Variants in TRERF1 observed in about 807,000 individuals in gnomAD.
TRERF1 encodes the protein transcriptional regulating factor 1.
TRERF1 carries 27 observed loss-of-function variants against 122.9 expected under a neutral mutation model. The observed-to-expected ratio is 0.22, with a 90% CI of 0.16 to 0.30. The LOEUF (loss-of-function observed/expected upper bound fraction) is 0.30. TRERF1 is among the 10% of genes least tolerant of loss of function. The probability of loss-of-function intolerance (pLI) is 1.00; values close to 1 mark genes in which losing one functional copy is unlikely to be tolerated. For synonymous variants in TRERF1, 636 were observed against 641.7 expected, an observed-to-expected ratio of 0.99 and a Z score of 0.13; for missense variants, 1,248 against 1,560.3, an observed-to-expected ratio of 0.80 and a Z score of 3.37.
chr6:42,287,948 G>C (rs1375458180), intron 4 of TRERF1, among the ~76,000 whole-genome samples: 1 of 151,952 alleles, frequency 6.6e-6, no homozygotes, highest in Non-Finnish European at 1.5e-5. Context: ...CACCCACTCA[G>C]ATACACCCTG....
intron 3 of TRERF1, among the ~76,000 whole-genome samples, chr6:42,328,128 C>T (rs1764625923): frequency 6.6e-6 from 1 of 151,424 alleles, no homozygotes; most frequent in Non-Finnish European, 1.5e-5. Context: ...GTGCCTCAGC[C>T]TCCTGAGTAG....
intron 4 of TRERF1, among the ~76,000 whole-genome samples, chr6:42,296,064 G>C (rs950674928): frequency 6.6e-6 from 1 of 152,082 alleles, no homozygotes; most frequent in African/African-American, 2.4e-5. Flanking sequence ...TTGATCTGGG[G>C]GCCCTGCAAG....
chr6:42,376,604 G>A (rs1481122624), intron 2 of TRERF1, among the ~76,000 whole-genome samples: 2 of 145,174 alleles, frequency 1.4e-5, no homozygotes, highest in South Asian at 4.3e-4. Flanking sequence ...GTACAGTGGC[G>A]TGATCTCAGC....
At chr6:42,309,438 CTA>C (rs1220003382) in intron 3 of TRERF1, among the ~76,000 whole-genome samples, 1 of 152,224 alleles carries the variant, frequency 6.6e-6, no homozygotes, top group Non-Finnish European at 1.5e-5. Flanking sequence ...TCTCCCTACT[CTA>C]TGCCACTGGT....
intron 2 of TRERF1, among the ~76,000 whole-genome samples, chr6:42,413,462 ACT>A (rs1781405494): frequency 7.9e-6 from 1 of 125,854 alleles, no homozygotes; most frequent in Non-Finnish European, 1.6e-5. Flanking sequence ...ACAGAGTCTT[ACT>A]CTGTCACCAG....
intron 2 of TRERF1, among the ~76,000 whole-genome samples, chr6:42,422,350 T>C (rs111406239): frequency 0.024 from 3,655 of 151,852 alleles, 151 homozygotes; most frequent in African/African-American, 0.084. Context: ...CAAAACCCTG[T>C]CTCTACAAAA....
At chr6:42,448,265 G>C (rs1276537565) in intron 2 of TRERF1, among the ~76,000 whole-genome samples, 1 of 152,136 alleles carries the variant, frequency 6.6e-6, no homozygotes, top group African/African-American at 2.4e-5. Context: ...GTTAACCTTA[G>C]ACTTGACCAA....
intron 3 of TRERF1, among the ~76,000 whole-genome samples, chr6:42,349,612 A>G (rs1484779530): frequency 6.6e-6 from 1 of 152,196 alleles, no homozygotes; most frequent in Non-Finnish European, 1.5e-5. Flanking sequence ...AAGAAAGACA[A>G]TCATAAGCAA....
At chr6:42,404,949 T>C (rs1779955266) in intron 2 of TRERF1, among the ~76,000 whole-genome samples, 1 of 152,144 alleles carries the variant, frequency 6.6e-6, no homozygotes. Flanking sequence ...TCAAAGCTAA[T>C]ATACCCACCC....
At chr6:42,384,626 A>G (rs1323407217) in intron 2 of TRERF1, among the ~76,000 whole-genome samples, 1 of 152,192 alleles carries the variant, frequency 6.6e-6, no homozygotes, top group Admixed American at 6.5e-5. Flanking sequence ...ATCAATCAAT[A>G]GGAAGCAAGC....
At chr6:42,326,279 G>A (rs1381778868) in intron 3 of TRERF1, among the ~76,000 whole-genome samples, 1 of 152,172 alleles carries the variant, frequency 6.6e-6, no homozygotes, top group Non-Finnish European at 1.5e-5. Flanking sequence ...TGGTAGCAAT[G>A]CAAATGAATC....
At chr6:42,443,909 T>C (rs573372511) in intron 2 of TRERF1, among the ~76,000 whole-genome samples, 1 of 152,326 alleles carries the variant, frequency 6.6e-6, no homozygotes, top group East Asian at 1.9e-4. Flanking sequence ...CCTCTTACCG[T>C]TGACATCGCA....
At position 42,357,467 on chromosome 6, in the gene TRERF1, A is replaced by C. The variant is rs146530121; in HGVS notation, c.-371+5530T>G. ...TTGCCTAAGAATGCGGTTAACAGACAATAACTGTAGGTGTTAGTGTGCCAC... is the reference window on the plus strand; with the variant it reads ...TTGCCTAAGAATGCGGTTAACAGACCATAACTGTAGGTGTTAGTGTGCCAC... On this transcript the variant is annotated intron_variant, in intron 3 of 17. Transcript: ENST00000372922. Among the ~76,000 whole-genome samples the C allele has an allele frequency of 3.6e-3, 544 of 152,336 alleles. 3 individuals are homozygous for C. Among genetic ancestry groups the C allele is most frequent in the African/African-American group, 0.012 (479 of 41,574 alleles).
In TRERF1 at chr6:42,273,417, G is replaced by T. The variant is rs75239738; in HGVS notation, c.-258-3569C>A. Among the ~76,000 whole-genome samples, 1,323 of 152,126 alleles carry T rather than the reference G, an allele frequency of 8.7e-3. 12 individuals carry two copies. Among genetic ancestry groups the T allele is most frequent in the African/African-American group, 0.03 (1,263 of 41,488 alleles). ...AAATGAGAAAAAATTAGAAAACAAT[G>T]ATCAAATATCCCAGTGAGTTTAGAC... On this transcript the variant is annotated intron_variant, in intron 4 of 17. Transcript: ENST00000372922.
At chr6:42,256,911 C>T in intron 11 of TRERF1, 52 bp downstream of exon 11, 2 of 1,613,336 alleles carry the variant, frequency 1.2e-6, no homozygotes, top group South Asian at 2.2e-5. Flanking sequence ...AGCCAGTGAT[C>T]TCAGTGAGAG....
intron 16 of TRERF1, among the ~76,000 whole-genome samples, chr6:42,234,956 T>G (rs1406359939): frequency 6.6e-6 from 1 of 152,190 alleles, no homozygotes; most frequent in East Asian, 1.9e-4. Flanking sequence ...TTAAAGTCAT[T>G]ATCGCAATCA....
intron 15 of TRERF1, among the ~76,000 whole-genome samples, chr6:42,238,835 T>TCA (rs58223539): frequency 0.044 from 6,222 of 142,800 alleles, 126 homozygotes; most frequent in East Asian, 0.066. Flanking sequence ...ATCATGCATT[T>TCA]CACACACACA....
intron 9 of TRERF1, 35 bp from the exon 10 acceptor site, chr6:42,258,236 G>T: frequency 6.3e-7 from 1 of 1,599,850 alleles, no homozygotes; most frequent in Non-Finnish European, 8.6e-7. Flanking sequence ...CTAGTCAACA[G>T]GGAAGGAATG....
chr6:42,242,300 A>G (rs1051313196), intron 15 of TRERF1, among the ~76,000 whole-genome samples: 3 of 152,240 alleles, frequency 2.0e-5, no homozygotes, highest in African/African-American at 2.4e-5. Flanking sequence ...TGCCTGGCAC[A>G]TGAAAACTGC....
Sources: allele counts gnomAD v4.1 joint callset (sites outside exome capture counted in the v4.1 genomes callset), GRCh38; gene constraint gnomAD v4.1.1; transcripts MANE v1.5; gene names NCBI Gene and HGNC (gene_info 2026-07-23, HGNC 2026-07-21).